Variants in DGKH observed in about 807,000 individuals in gnomAD.
DGKH encodes diacylglycerol kinase eta.
DGKH carries 90 observed loss-of-function variants against 159.3 expected under a neutral mutation model. The observed-to-expected ratio is 0.57, with a 90% confidence interval of 0.48 to 0.67. The LOEUF (loss-of-function observed/expected upper bound fraction) is 0.67. DGKH is among the 30% of genes least tolerant of loss of function. The pLI is 0.00. For synonymous variants in DGKH, 536 were observed against 553.8 expected, an observed-to-expected ratio of 0.97 and a Z score of 0.45; for missense variants, 1,181 against 1,506.1, an observed-to-expected ratio of 0.78 and a Z score of 3.57.
At chr13:42,182,435 C>T (rs1240019437) in intron 13 of DGKH, among the ~76,000 whole-genome samples, 1 of 150,300 alleles carries the variant, frequency 6.7e-6, no homozygotes. Flanking sequence ...GCTCCAGGAC[C>T]CCCTTGGATA....
intron 1 of DGKH, among the ~76,000 whole-genome samples, chr13:42,080,155 A>T (rs983118821): frequency 4.6e-5 from 7 of 152,230 alleles, no homozygotes; most frequent in African/African-American, 1.7e-4. Context: ...GCTACTTAAC[A>T]TGGTAATTTA....
chr13:42,255,825 T>C (rs1447099246), intron 30 of DGKH: 6 of 608,356 alleles, frequency 9.9e-6, no homozygotes, highest in East Asian at 5.7e-5. Context: ...TTTTAAGTAA[T>C]ATATAAAAAG....
chr13:42,183,318 A>G lies in DGKH; in HGVS notation c.1539-3731A>G, dbSNP rs529530290. On this transcript the variant is annotated intron_variant, in intron 13 of 29. Transcript: ENST00000337343. Reference sequence around the variant, plus strand: ...AAAAAAAACACTTAAAAATTCTATAATGGTTTCCCTTTAAAAAACAATTCT... The same window carrying G: ...AAAAAAAACACTTAAAAATTCTATAGTGGTTTCCCTTTAAAAAACAATTCT... Among the ~76,000 whole-genome samples the G allele has an allele frequency of 2.6e-5, 4 of 152,184 alleles. No individual in the cohort carries two copies. In the South Asian group the frequency reaches 8.3e-4, roughly 32 times the overall value.
At chr13:42,040,566 A>AG (rs1375411143) in intron 1 of DGKH, among the ~76,000 whole-genome samples, 2 of 150,206 alleles carry the variant, frequency 1.3e-5, no homozygotes, top group African/African-American at 4.9e-5. Context: ...GGAAGGAGCG[A>AG]GGGGCGGATT....
chr13:42,041,174 A>G (rs1057050003), intron 1 of DGKH, among the ~76,000 whole-genome samples: 3 of 152,138 alleles, frequency 2.0e-5, no homozygotes, highest in African/African-American at 7.2e-5. Context: ...CGGCCCTGCG[A>G]GGACCGTTTC....
Position 42,229,167 on chromosome 13 carries a change from C to A in DGKH, c.3642C>A (p.Ser1214Arg). Residue 1214 changes from serine (S) to arginine (R), a missense_variant, in exon 30 of 30, where the codon AGC becomes AGA. Ser to Arg is a moderately radical substitution (Grantham distance 110). This residue lies in a region of DGKH where 84 missense variants were observed against 77.9 expected (regional missense o/e 1.08). Coordinates refer to ENST00000337343, the MANE Select transcript of DGKH (RefSeq NM_178009.5). ...ILQGIKELGR[S>R]TPQSEV is the part of the protein sequence containing the mutation. ...AGGGAATTAAAGAGCTTGGAAGGAG[C>A]ACTCCACAGTCGGAGGTGTAATCAT... 1 of 1,610,476 alleles carries A rather than the reference C, an allele frequency of 6.2e-7. No individual in the cohort carries two copies.
At chr13:42,135,454 C>T (rs143336538) in intron 3 of DGKH, among the ~76,000 whole-genome samples, 94 of 127,246 alleles carry the variant, frequency 7.4e-4, no homozygotes, top group African/African-American at 2.5e-3. Context: ...CGCACCACTG[C>T]ACTCCAGTCT....
intron 21 of DGKH, among the ~76,000 whole-genome samples, chr13:42,206,975 T>TTTTCCTTCTTTCTTTC (rs1555275941): frequency 1.2e-5 from 1 of 82,350 alleles, no homozygotes; most frequent in African/African-American, 5.0e-5. Context: ...TACTTTTACT[T>TTTTCCTTCTTTCTTTC]TTTCTTTCTT....
At chr13:42,165,622 T>C (rs1661081805) in intron 8 of DGKH, among the ~76,000 whole-genome samples, 189 bp downstream of exon 8, 1 of 152,158 alleles carries the variant, frequency 6.6e-6, no homozygotes, top group South Asian at 2.1e-4. Context: ...AGTTGTAGAA[T>C]AGCTGTTAAC....
At position 42,057,432 on chromosome 13, in the gene DGKH, C is replaced by T. The variant is rs150474167; in HGVS notation, c.192+8467C>T. ...CGGTGATTTGAGTTGTATTGTTCCTCGACACTCTTGTAGTACTTTAAAATT... is the reference window on the plus strand; with the variant it reads ...CGGTGATTTGAGTTGTATTGTTCCTTGACACTCTTGTAGTACTTTAAAATT... On this transcript the variant is annotated intron_variant, in intron 1 of 29. Transcript: ENST00000337343. Among the ~76,000 whole-genome samples the T allele has an allele frequency of 4.9e-3, 747 of 152,138 alleles. 8 individuals are homozygous for T. The highest frequency in any genetic ancestry group is 7.7e-3 in the Non-Finnish European group (522 of 67,996).
At chr13:42,070,990 A>G in intron 1 of DGKH, 1 of 1,324,158 alleles carries the variant, frequency 7.6e-7, no homozygotes, top group African/African-American at 1.4e-5. Flanking sequence ...TACAGCAGAA[A>G]AAAACAAGTA....
intron 3 of DGKH, among the ~76,000 whole-genome samples, chr13:42,145,134 G>T (rs2137905596): frequency 6.6e-6 from 1 of 152,310 alleles, no homozygotes; most frequent in South Asian, 2.1e-4. Context: ...GGCAAAAAGA[G>T]ATTTTCTATT....
At chr13:42,042,634 T>C (rs776220332) in intron 1 of DGKH, among the ~76,000 whole-genome samples, 7 of 152,232 alleles carry the variant, frequency 4.6e-5, no homozygotes, top group Non-Finnish European at 1.0e-4. Flanking sequence ...TCCGGGACTG[T>C]TGGATAGCAG....
chr13:42,146,616 T>C (rs1330309499), intron 3 of DGKH, among the ~76,000 whole-genome samples: 1 of 152,202 alleles, frequency 6.6e-6, no homozygotes, highest in African/African-American at 2.4e-5. Flanking sequence ...TAACAATACA[T>C]ACCAAACTTC....
chr13:42,204,012 T>G (rs1957403408), intron 20 of DGKH, among the ~76,000 whole-genome samples: 1 of 152,202 alleles, frequency 6.6e-6, no homozygotes, highest in South Asian at 2.1e-4. Context: ...AAATGGACAT[T>G]AAGCATTTAG....
chr13:42,152,560 A>G (rs950104143), intron 3 of DGKH, among the ~76,000 whole-genome samples: 1 of 150,764 alleles, frequency 6.6e-6, no homozygotes, highest in African/African-American at 2.4e-5. Flanking sequence ...CAAGTAACAC[A>G]TGAAGCCTTT....
chr13:42,249,619 G>A (rs1244192968), intron 29 of DGKH, among the ~76,000 whole-genome samples: 5 of 152,124 alleles, frequency 3.3e-5, no homozygotes, highest in East Asian at 3.9e-4. Flanking sequence ...AGCCACAAAC[G>A]ATATGTAAAT....
chr13:42,134,722 G>T (rs945637550), intron 3 of DGKH, among the ~76,000 whole-genome samples: 1 of 152,170 alleles, frequency 6.6e-6, no homozygotes, highest in African/African-American at 2.4e-5. Context: ...ACAAAAATTT[G>T]CTGGGCGTGG....
chr13:42,076,434 T>G (rs935440481), intron 1 of DGKH, among the ~76,000 whole-genome samples: 8 of 152,198 alleles, frequency 5.3e-5, no homozygotes, highest in Admixed American at 5.2e-4. Context: ...TTTTGGATAA[T>G]GGCCAATTGA....
Sources: gnomAD v4.1 joint callset for allele counts (sites outside exome capture counted in the v4.1 genomes callset) on GRCh38, gnomAD v4.1.1 for gene constraint, gnomAD v4.1.1 regional missense constraint, MANE v1.5 for transcripts, NCBI Gene and HGNC (gene_info 2026-07-23, HGNC 2026-07-21) for gene names.